ADARB1: variants seen among roughly 807,000 people sequenced by gnomAD.
ADARB1 encodes adenosine deaminase RNA specific B1.
ADARB1 carries 10 observed loss-of-function variants against 52.4 expected under a neutral mutation model. The ratio of observed to expected loss-of-function variants is 0.19; its 90% CI spans 0.12 to 0.32. The LOEUF (loss-of-function observed/expected upper bound fraction) is 0.32. ADARB1 is among the 10% of genes least tolerant of loss of function. The pLI, the probability that ADARB1 is intolerant of heterozygous loss-of-function variation, is 1.00. For synonymous variants in ADARB1, 349 were observed against 371.1 expected, an observed-to-expected ratio of 0.94 and a Z score of 0.68; for missense variants, 643 against 922.3, an observed-to-expected ratio of 0.70 and a Z score of 3.92.
In ADARB1 at chr21:45,157,080, G is replaced by A. The variant is rs181587433; in HGVS notation, c.-47-14530G>A. Among the ~76,000 whole-genome samples the A allele has an allele frequency of 2.0e-5, 3 of 152,324 alleles. No homozygotes were observed. Among genetic ancestry groups the A allele is most frequent in the African/African-American group, 7.2e-5 (3 of 41,564 alleles). On this transcript the variant is annotated intron_variant, in intron 2 of 10. Transcript: ENST00000348831. This position sits in a 1 kb window ranked among gnomAD's most constrained non-coding sequence, Gnocchi z 4.1. ...CTAGAACCCGTTGTAATGGCTATGT[G>A]TGTACCTTTCACTGCATCTGTGCTG...
chr21:45,182,767 A>G lies in ADARB1; in HGVS notation c.1247+14A>G, dbSNP rs1307498315. The G allele has an allele frequency of 1.3e-6, 2 of 1,560,678 alleles. No homozygotes were observed. The highest frequency in any genetic ancestry group is 2.8e-5 in the African/African-American group (2 of 72,194). ...GCTTTACTTAAAGTAAGTTTAGTAA[A>G]CAAATAAGGACAGGAAGCTCTTTTT... On this transcript the variant is annotated intron_variant, in intron 6 of 10. Transcript: ENST00000348831.
chr21:45,140,845 G>A (rs992968391), intron 2 of ADARB1, among the ~76,000 whole-genome samples: 19 of 152,080 alleles, frequency 1.2e-4, no homozygotes, highest in Admixed American at 3.9e-4. Context: ...TTAAGTCTGC[G>A]GAAGGGGCTG....
chr21:45,102,989 A>G (rs2087090583), intron 1 of ADARB1, among the ~76,000 whole-genome samples: 1 of 152,198 alleles, frequency 6.6e-6, no homozygotes, highest in South Asian at 2.1e-4. Flanking sequence ...CAGTGGAGTG[A>G]CAGTGGGCCT....
Position 45,171,698 on chromosome 21 carries a change from C to G in ADARB1, c.28+14C>G. 3 of 1,603,336 alleles carry G rather than the reference C, an allele frequency of 1.9e-6. No homozygotes were observed. The highest frequency in any genetic ancestry group is 2.6e-6 in the Non-Finnish European group (3 of 1,176,010). On this transcript the variant is annotated intron_variant, in intron 3 of 10. Transcript: ENST00000348831. ...AAGAAAACATGAGTAAGATCTAGGC[C>G]TATCACGTAGTATCAGATAGCTAAT... is the stretch of plus-strand genomic sequence containing the variant.
At chr21:45,095,621 C>T (rs1471253686) in intron 1 of ADARB1, among the ~76,000 whole-genome samples, 4 of 152,128 alleles carry the variant, frequency 2.6e-5, no homozygotes, top group Non-Finnish European at 5.9e-5. Flanking sequence ...TCAGGGTGCA[C>T]GTTTCCTTCT....
intron 1 of ADARB1, among the ~76,000 whole-genome samples, chr21:45,112,867 G>A (rs541040713): frequency 4.6e-5 from 7 of 152,180 alleles, no homozygotes; most frequent in East Asian, 1.9e-4. Context: ...AAGATGGAGA[G>A]TGTCATAGGG....
chr21:45,111,356 A>T (rs908115329), intron 1 of ADARB1, among the ~76,000 whole-genome samples: 2 of 152,214 alleles, frequency 1.3e-5, no homozygotes, highest in African/African-American at 2.4e-5. Context: ...GGACAGGTAC[A>T]AAGATTTCCC....
intron 1 of ADARB1, among the ~76,000 whole-genome samples, chr21:45,089,405 C>T (rs183066537): frequency 2.6e-5 from 4 of 152,204 alleles, no homozygotes; most frequent in Admixed American, 2.6e-4. Context: ...TGTTTCTTCC[C>T]ATGTGAAGCT....
chr21:45,099,646 T>TA (rs957584246), intron 1 of ADARB1, among the ~76,000 whole-genome samples: 1 of 152,028 alleles, frequency 6.6e-6, no homozygotes, highest in Non-Finnish European at 1.5e-5. Flanking sequence ...CTCAAAAAAA[T>TA]AAAAAATAAA....
intron 1 of ADARB1, among the ~76,000 whole-genome samples, chr21:45,090,135 C>T (rs1318002589): frequency 6.6e-6 from 1 of 152,154 alleles, no homozygotes; most frequent in Non-Finnish European, 1.5e-5. Flanking sequence ...TCATGAGTGG[C>T]AGTAGAATTT....
At chr21:45,147,391 C>A (rs1322349651) in intron 2 of ADARB1, among the ~76,000 whole-genome samples, 3 of 152,184 alleles carry the variant, frequency 2.0e-5, no homozygotes, top group Non-Finnish European at 4.4e-5. Context: ...TTGACGTCCT[C>A]TGTTGGGGAT....
chr21:45,196,348 T>C (rs550152241), intron 8 of ADARB1, among the ~76,000 whole-genome samples: 22 of 152,182 alleles, frequency 1.4e-4, no homozygotes, highest in African/African-American at 4.8e-4. Context: ...ACTTCACTTA[T>C]ATTTTGCACC....
At chr21:45,133,218 C>T (rs1048602536) in intron 2 of ADARB1, among the ~76,000 whole-genome samples, 1 of 152,262 alleles carries the variant, frequency 6.6e-6, no homozygotes, top group African/African-American at 2.4e-5. Context: ...GCCGTTGCTT[C>T]TGACTGAGGG....
At chr21:45,078,583 TC>T (rs1601224400) in intron 1 of ADARB1, among the ~76,000 whole-genome samples, 1 of 152,148 alleles carries the variant, frequency 6.6e-6, no homozygotes, top group African/African-American at 2.4e-5. Context: ...CGGGTGAAAG[TC>T]CCTGAGCCTC....
At chr21:45,151,078 G>A (rs2090260988) in intron 2 of ADARB1, among the ~76,000 whole-genome samples, 1 of 152,158 alleles carries the variant, frequency 6.6e-6, no homozygotes, top group South Asian at 2.1e-4. Flanking sequence ...GAGTAGGGTG[G>A]GGTCACTTGA....
intron 8 of ADARB1, among the ~76,000 whole-genome samples, chr21:45,201,958 T>C (rs1237122689): frequency 6.6e-6 from 1 of 151,992 alleles, no homozygotes; most frequent in Non-Finnish European, 1.5e-5. Context: ...GACAGAAGCT[T>C]TGGGCAAGCA....
intron 1 of ADARB1, among the ~76,000 whole-genome samples, chr21:45,123,516 G>A (rs1360681178): frequency 6.6e-6 from 1 of 152,192 alleles, no homozygotes; most frequent in Non-Finnish European, 1.5e-5. Flanking sequence ...TGTTGCCCAG[G>A]CTGTTCTTGA....
intron 2 of ADARB1, among the ~76,000 whole-genome samples, chr21:45,163,493 G>A (rs963202486): frequency 2.0e-5 from 3 of 152,204 alleles, no homozygotes; most frequent in Non-Finnish European, 4.4e-5. Context: ...GAGTGAGCGG[G>A]GAGGGGCAAC....
chr21:45,225,462 T>A lies in ADARB1; in HGVS notation c.*3265T>A, dbSNP rs1602105639. 2.1e-5 allele frequency: 28 copies of A among 1,309,460 alleles called. No individual in the cohort carries two copies. In the South Asian group the frequency reaches 8.2e-4, roughly 39 times the overall value. 81.1% of individuals were successfully genotyped at this position (1,309,460 alleles called of 1,614,324 possible). The stretch of plus-strand genomic sequence containing the variant: ...CATGGATTTCTGTGGAATTTATTTT[T>A]ATTCAAATAACCATATTTATCTCCA... On this transcript the variant is annotated 3_prime_UTR_variant, in exon 11 of 11. Coordinates refer to ENST00000348831, the MANE Select transcript of ADARB1 (RefSeq NM_001112.4).
Sources: gnomAD v4.1 joint callset for allele counts (sites outside exome capture counted in the v4.1 genomes callset) on GRCh38, gnomAD v4.1.1 for gene constraint, Gnocchi (gnomAD v3.1) non-coding constraint, MANE v1.5 for transcripts, NCBI Gene and HGNC (gene_info 2026-07-23, HGNC 2026-07-21) for gene names.